The following PTPN20 variants were observed in gnomAD, a reference collection of about 807,000 sequenced individuals.
PTPN20 encodes tyrosine-protein phosphatase non-receptor type 20.
A neutral mutation model predicts 35.0 loss-of-function variants in PTPN20; 9 were observed. The ratio of observed to expected loss-of-function variants is 0.26; its 90% CI spans 0.15 to 0.45. PTPN20 has a LOEUF of 0.45. PTPN20 is among the 20% of genes least tolerant of loss of function. The pLI is 1.00. For synonymous variants in PTPN20, 32 were observed against 100.2 expected (o/e 0.32, Z 4.06); for missense variants, 111 against 312.5 (o/e 0.36, Z 4.86).
chr10:46,947,149 C>A (rs868986380), intron 5 of PTPN20, among the ~76,000 whole-genome samples: 1,757 of 143,872 alleles, frequency 0.012, 13 homozygotes, highest in African/African-American at 0.042. Flanking sequence ...TACGTATTTA[C>A]ATGTATATAT....
chr10:46,933,486 A>C (rs1501835), intron 2 of PTPN20, among the ~76,000 whole-genome samples: 24,656 of 119,646 alleles, frequency 0.21, 2,341 homozygotes, highest in East Asian at 0.35. Context: ...TATACCCTGG[A>C]AACCACCATT....
intron 1 of PTPN20, among the ~76,000 whole-genome samples, chr10:46,931,474 C>G (rs1414107272): frequency 7.1e-6 from 1 of 141,652 alleles, no homozygotes; most frequent in Admixed American, 6.9e-5. Context: ...TCTTGGCTCA[C>G]TGTATCCTCC....
In PTPN20 at chr10:46,932,062, TTGTGTGTGTG is replaced by T. The variant is rs71023200; in HGVS notation, c.-123-293_-123-284del. Among the ~76,000 whole-genome samples, 14 of 133,630 alleles carry T rather than the reference TTGTGTGTGTG, an allele frequency of 1.0e-4. 1 individual carries two copies. The highest frequency in any genetic ancestry group is 1.9e-4 in the African/African-American group (6 of 31,170). 87.7% of individuals were successfully genotyped at this position (133,630 alleles called of 152,430 possible). The stretch of plus-strand genomic sequence containing the variant: ...TTCCATTGAGTGACATTGATTGAAT[TTGTGTGTGTG>T]TGTGTGTGTGTGTGTGTGTGTTTAT... On this transcript the variant is annotated intron_variant, in intron 1 of 10. Coordinates refer to ENST00000374339, the MANE Select transcript of PTPN20 (RefSeq NM_001042357.5).
intron 9 of PTPN20, among the ~76,000 whole-genome samples, chr10:46,998,929 G>A (rs2059620045): frequency 7.7e-6 from 1 of 130,624 alleles, no homozygotes; most frequent in African/African-American, 3.6e-5. Flanking sequence ...AAACCAGCCT[G>A]GGTAACAAAA....
At chr10:46,982,415 G>A (rs1400037221) in intron 7 of PTPN20, among the ~76,000 whole-genome samples, 1 of 151,520 alleles carries the variant, frequency 6.6e-6, no homozygotes, top group Non-Finnish European at 1.5e-5. Context: ...CTTTTCTGCA[G>A]TGAATTCCAC....
At chr10:46,950,248 C>T (rs2046258015) in intron 5 of PTPN20, among the ~76,000 whole-genome samples, 1 of 151,120 alleles carries the variant, frequency 6.6e-6, no homozygotes, top group African/African-American at 2.5e-5. Context: ...TTTTAATAGA[C>T]TTCAACTGTA....
chr10:46,993,473 G>T (rs143702443), intron 9 of PTPN20, among the ~76,000 whole-genome samples: 1 of 152,168 alleles, frequency 6.6e-6, no homozygotes, highest in Admixed American at 6.5e-5. Flanking sequence ...AGATCTCCAG[G>T]CAGGGCGGTG....
chr10:46,955,298 A>G (rs1250183585), intron 5 of PTPN20: 1 of 145,604 alleles, frequency 6.9e-6, no homozygotes, highest in Non-Finnish European at 1.5e-5. Context: ...CAAAAGGTGG[A>G]ACAATTTGAA....
chr10:46,957,821 CT>C (rs2048868473), intron 5 of PTPN20, among the ~76,000 whole-genome samples: 1 of 116,342 alleles, frequency 8.6e-6, no homozygotes, highest in Admixed American at 9.1e-5. Flanking sequence ...GCCTTTTTTT[CT>C]GTTAGCGTAT....
At chr10:46,947,214 A>G (rs1470448790) in intron 5 of PTPN20, among the ~76,000 whole-genome samples, 37 of 37,544 alleles carry the variant, frequency 9.9e-4, no homozygotes, top group Admixed American at 1.9e-3. Flanking sequence ...GTGTATGTGT[A>G]TATATATATA....
intron 9 of PTPN20, among the ~76,000 whole-genome samples, chr10:46,996,459 A>G (rs2059123265): frequency 6.6e-6 from 1 of 152,224 alleles, no homozygotes; most frequent in Non-Finnish European, 1.5e-5. Context: ...AATTAAAAAA[A>G]TGCTTTTAAA....
intron 2 of PTPN20, among the ~76,000 whole-genome samples, chr10:46,939,022 A>G (rs2042608244): frequency 6.6e-6 from 1 of 152,128 alleles, no homozygotes; most frequent in African/African-American, 2.4e-5. Flanking sequence ...GCTTGTTTAC[A>G]ATTCTCATAG....
At chr10:46,959,191 C>T (rs1375600491) in intron 5 of PTPN20, among the ~76,000 whole-genome samples, 3 of 124,128 alleles carry the variant, frequency 2.4e-5, no homozygotes, top group South Asian at 3.0e-4. Flanking sequence ...TGTTACTAGG[C>T]GTGTAAATGT....
At chr10:46,932,346 G>A (rs1449878634) in intron 1 of PTPN20, 31 bp from the exon 2 acceptor site, 4 of 1,596,732 alleles carry the variant, frequency 2.5e-6, no homozygotes, top group African/African-American at 2.7e-5. Context: ...TTGTGTAACA[G>A]AAAAATCTTT....
intron 1 of PTPN20, among the ~76,000 whole-genome samples, chr10:46,930,387 C>A (rs1227841626): frequency 1.1e-4 from 16 of 151,298 alleles, no homozygotes; most frequent in African/African-American, 3.9e-4. Flanking sequence ...TGATAAAATT[C>A]GAAACAAAAT....
rs1261460956 is a variant in PTPN20 at position 46,950,864 on chromosome 10, C to T, written c.340+4189C>T. 6.3e-3 allele frequency among the ~76,000 whole-genome samples: 952 copies of T among 151,964 alleles called. 3 individuals carry two copies. Among genetic ancestry groups the T allele is most frequent in the Non-Finnish European group, 0.011 (736 of 67,984 alleles). ...TGTGCTCTGCAACTCTACAATTACC[C>T]TGCAACCATAGTTTTTAAAATTTAA... On this transcript the variant is annotated intron_variant, in intron 5 of 10. Transcript: ENST00000374339.
Position 46,945,045 on chromosome 10 carries a change from G to A in PTPN20, c.227+1030G>A, listed in dbSNP as rs1338887546. Among the ~76,000 whole-genome samples, 84 of 141,248 alleles carry A rather than the reference G, an allele frequency of 5.9e-4. 1 individual carries two copies. Among genetic ancestry groups the A allele is most frequent in the Non-Finnish European group, 1.1e-3 (72 of 67,222 alleles). 92.7% of individuals were successfully genotyped at this position (141,248 alleles called of 152,430 possible). A position where few individuals can be genotyped will look rare whatever the true frequency, so the allele number is the denominator to read the frequency against. On this transcript the variant is annotated intron_variant, in intron 4 of 10. Transcript: ENST00000374339. ...TCAGGCAAGAGGGAGAAGTTTGAGC[G>A]AGGGTAAGGAGTTGTGAAAATATCT... is the stretch of plus-strand genomic sequence containing the variant.
At chr10:46,941,062 G>A (rs1336776602) in intron 3 of PTPN20, among the ~76,000 whole-genome samples, 2 of 151,176 alleles carry the variant, frequency 1.3e-5, no homozygotes, top group African/African-American at 2.5e-5. Flanking sequence ...GGGTGTCTCC[G>A]AACTATGGAA....
intron 9 of PTPN20, among the ~76,000 whole-genome samples, chr10:46,988,848 T>C (rs2057352532): frequency 6.6e-6 from 1 of 151,788 alleles, no homozygotes; most frequent in Non-Finnish European, 1.5e-5. Flanking sequence ...TCCTAGGTGT[T>C]TTTTTTTTTT....
Sources: gnomAD v4.1 joint callset for allele counts (sites outside exome capture counted in the v4.1 genomes callset) on GRCh38, gnomAD v4.1.1 for gene constraint, MANE v1.5 for transcripts, NCBI Gene and HGNC (gene_info 2026-07-23, HGNC 2026-07-21) for gene names.